The following PITPNA variants were observed in gnomAD, a reference collection of about 807,000 sequenced individuals.
PITPNA encodes phosphatidylinositol transfer protein alpha isoform.
A neutral mutation model predicts 50.3 loss-of-function variants in PITPNA; 13 were observed. The observed-to-expected ratio is 0.26, with a 90% CI of 0.17 to 0.41. The LOEUF is 0.41. Among genes scored for constraint, PITPNA ranks in the 10% least tolerant of loss-of-function variants. PITPNA has a pLI of 1.00. For synonymous variants in PITPNA, 120 were observed against 119.6 expected (o/e 1.00, Z -0.02); for missense variants, 207 against 333.4 (o/e 0.62, Z 2.95).
intron 7 of PITPNA, among the ~76,000 whole-genome samples, chr17:1,537,450 C>T (rs900770495): frequency 6.6e-6 from 1 of 152,000 alleles, no homozygotes; most frequent in African/African-American, 2.4e-5. Context: ...ATGCCTGCCT[C>T]GGTCTCCCAA....
At chr17:1,541,477 C>T (rs2075647546) in intron 6 of PITPNA, 89 bp downstream of exon 6, 1 of 929,668 alleles carries the variant, frequency 1.1e-6, no homozygotes, top group Non-Finnish European at 1.8e-6. Flanking sequence ...AAAAGAGGAC[C>T]ACAGAGAGGA....
chr17:1,552,424 T>C (rs1011524234), intron 3 of PITPNA, among the ~76,000 whole-genome samples: 2 of 152,216 alleles, frequency 1.3e-5, no homozygotes, highest in African/African-American at 4.8e-5. Context: ...TTAGCAAATT[T>C]GTGTAGTTTG....
At chr17:1,541,666 A>C in intron 5 of PITPNA, 26 bp from the exon 6 acceptor site, 1 of 1,459,040 alleles carries the variant, frequency 6.9e-7, no homozygotes, top group South Asian at 1.1e-5. Context: ...AAAATACATG[A>C]AAGTCACTAG....
At chr17:1,549,022 C>G (rs1289782106) in intron 3 of PITPNA, among the ~76,000 whole-genome samples, 1 of 152,228 alleles carries the variant, frequency 6.6e-6, no homozygotes, top group Non-Finnish European at 1.5e-5. Context: ...ATTCTCCCGC[C>G]TCAGCCTCTT....
intron 10 of PITPNA, among the ~76,000 whole-genome samples, chr17:1,522,464 C>T (rs2075521125): frequency 6.6e-6 from 1 of 152,186 alleles, no homozygotes. Flanking sequence ...CCTCTGCCTC[C>T]TGGATTCAAG....
chr17:1,539,891 C>T (rs1196477888), intron 6 of PITPNA, among the ~76,000 whole-genome samples: 4 of 152,260 alleles, frequency 2.6e-5, no homozygotes, highest in Non-Finnish European at 4.4e-5. Flanking sequence ...CGTGGGCTAC[C>T]ACGCCCAGCT....
chr17:1,535,587 C>G (rs902770012), intron 7 of PITPNA, 69 bp from the exon 8 acceptor site: 21 of 918,452 alleles, frequency 2.3e-5, no homozygotes, highest in Admixed American at 1.8e-4. Context: ...GAGAACAGAT[C>G]TTTCATTAGC....
intron 3 of PITPNA, among the ~76,000 whole-genome samples, chr17:1,550,445 G>A (rs111691712): frequency 0.017 from 2,663 of 152,328 alleles, 80 homozygotes; most frequent in African/African-American, 0.061. Flanking sequence ...AAAAGCTGGA[G>A]AAAAGAGGGA....
rs143660835 is a variant in PITPNA, at chr17:1,556,401, C to A, written c.51+2128G>T. ...CTGCAGAAAAACCATCACAAGTGAA[C>A]ACCCGCCAACTGTGGATGCTCTCAA... On this transcript the variant is annotated intron_variant, in intron 2 of 11. Transcript: ENST00000313486. Among the ~76,000 whole-genome samples, 1,067 of 152,286 alleles carry A rather than the reference C, an allele frequency of 7.0e-3. 14 individuals carry two copies. Among genetic ancestry groups the A allele is most frequent in the African/African-American group, 0.024 (989 of 41,532 alleles).
chr17:1,554,358 C>T (rs925574505), intron 2 of PITPNA, among the ~76,000 whole-genome samples: 3 of 148,900 alleles, frequency 2.0e-5, no homozygotes, highest in African/African-American at 7.4e-5. Flanking sequence ...CAACTCCTGG[C>T]ACCCCCGGGG....
At chr17:1,537,576 A>C (rs1213920120) in intron 7 of PITPNA, among the ~76,000 whole-genome samples, 2 of 152,236 alleles carry the variant, frequency 1.3e-5, no homozygotes, top group South Asian at 4.1e-4. Context: ...ACACAGATCA[A>C]CCAGAGTTGA....
At chr17:1,541,758 G>A (rs757866465) in intron 5 of PITPNA, 118 bp from the exon 6 acceptor site, 6 of 740,480 alleles carry the variant, frequency 8.1e-6, no homozygotes, top group Non-Finnish European at 1.5e-5. Flanking sequence ...TCCAGCCTCT[G>A]CCTTGTAATA....
chr17:1,529,422 T>C (rs1567576736), intron 10 of PITPNA, among the ~76,000 whole-genome samples: 1 of 151,916 alleles, frequency 6.6e-6, no homozygotes, highest in South Asian at 2.1e-4. Flanking sequence ...CTTGGGAGGC[T>C]GAGGCAGGAG....
intron 4 of PITPNA, among the ~76,000 whole-genome samples, chr17:1,544,797 G>C (rs912506682): frequency 3.9e-5 from 6 of 152,174 alleles, no homozygotes; most frequent in African/African-American, 1.4e-4. Flanking sequence ...AATTAGCCGG[G>C]TGTGGTGGCG....
rs553574144 is a variant in PITPNA at position 1,535,530 on chromosome 17, T to G, written c.457-12A>C. ...TCTGCCTTGTAATCCTGAGAGAAATTGTGGAATTGGGGTTGGAGGGGAGTG... is the reference window on the plus strand; with the variant it reads ...TCTGCCTTGTAATCCTGAGAGAAATGGTGGAATTGGGGTTGGAGGGGAGTG... On this transcript the variant is annotated splice_polypyrimidine_tract_variant and intron_variant, in intron 7 of 11. Transcript: ENST00000313486. 49 of 1,595,290 alleles carry G rather than the reference T, an allele frequency of 3.1e-5. No individual in the cohort carries two copies. The East Asian group carries it at 1.1e-3, about 36-fold the overall frequency.
At chr17:1,542,036 C>A (rs1396635452) in intron 5 of PITPNA, among the ~76,000 whole-genome samples, 2 of 152,012 alleles carry the variant, frequency 1.3e-5, no homozygotes. Context: ...CCCGTCTCTA[C>A]TAAAAATACA....
intron 5 of PITPNA, 90 bp downstream of exon 5, chr17:1,542,930 A>G: frequency 2.0e-6 from 2 of 988,508 alleles, no homozygotes; most frequent in East Asian, 5.1e-5. Flanking sequence ...GCCAAGGGAA[A>G]GAACACCCAA....
chr17:1,527,307 G>A (rs539518426), intron 10 of PITPNA, among the ~76,000 whole-genome samples: 6 of 152,148 alleles, frequency 3.9e-5, no homozygotes, highest in Non-Finnish European at 5.9e-5. Context: ...ACAATGGTGC[G>A]ATCTCAGCTC....
chr17:1,532,409 T>C (rs202055496), intron 10 of PITPNA, among the ~76,000 whole-genome samples: 1 of 151,960 alleles, frequency 6.6e-6, no homozygotes, highest in African/African-American at 2.4e-5. Context: ...CAAAAGGGTC[T>C]GAGAGATTAA....
Sources: gnomAD v4.1 joint callset for allele counts (sites outside exome capture counted in the v4.1 genomes callset) on GRCh38, gnomAD v4.1.1 for gene constraint, MANE v1.5 for transcripts, NCBI Gene and HGNC (gene_info 2026-07-23, HGNC 2026-07-21) for gene names.